Variants in JMJD1C observed in about 807,000 individuals in gnomAD.
JMJD1C encodes the protein jumonji domain-containing protein 1C.
JMJD1C carries 31 observed loss-of-function variants against 245.3 expected under a neutral mutation model. That is an observed-to-expected ratio of 0.13 (90% confidence interval 0.09 to 0.17). The LOEUF (loss-of-function observed/expected upper bound fraction) is 0.17. Among genes scored for constraint, JMJD1C ranks in the 10% least tolerant of loss-of-function variants. The pLI, the probability that JMJD1C is intolerant of heterozygous loss-of-function variation, is 1.00. For synonymous variants in JMJD1C, 1,057 were observed against 1,017.4 expected, an observed-to-expected ratio of 1.04 and a Z score of -0.74; for missense variants, 2,691 against 3,000.2, an observed-to-expected ratio of 0.90 and a Z score of 2.41.
intron 3 of JMJD1C, among the ~76,000 whole-genome samples, chr10:63,259,837 T>C (rs192354769): frequency 1.6e-4 from 25 of 152,338 alleles, no homozygotes; most frequent in Non-Finnish European, 3.4e-4. Flanking sequence ...TCAATGTCCA[T>C]ACTCTACAAT....
chr10:63,438,740 T>C (rs1014391965), intron 1 of JMJD1C, among the ~76,000 whole-genome samples: 2 of 152,170 alleles, frequency 1.3e-5, no homozygotes, highest in Non-Finnish European at 2.9e-5. Context: ...TCCTTAGGCC[T>C]GGTACTTACT....
At chr10:63,193,510 C>A (rs753638068) in intron 14 of JMJD1C, 38 bp from the exon 15 acceptor site, 55 of 1,478,910 alleles carry the variant, frequency 3.7e-5, no homozygotes, top group Non-Finnish European at 4.9e-5. Context: ...AAGATTACCA[C>A]TAGTTGTTAA....
In JMJD1C at chr10:63,479,702, A is replaced by G. The variant is rs541211669; in HGVS notation, n.113+42036T>C. ...TAAAGTGGTAGTAAGATCTAGATCTAGAGACATGATTCAGTTTCAATTTTT... is the reference window on the plus strand; with the variant it reads ...TAAAGTGGTAGTAAGATCTAGATCTGGAGACATGATTCAGTTTCAATTTTT... On this transcript the variant is annotated intron_variant and non_coding_transcript_variant, in intron 1 of 3. Transcript: ENST00000633035. Among the ~76,000 whole-genome samples, 236 of 152,350 alleles carry G rather than the reference A, an allele frequency of 1.5e-3. 1 individual carries two copies. Among genetic ancestry groups the G allele is most frequent in the Non-Finnish European group, 2.4e-3 (162 of 68,028 alleles).
intron 2 of JMJD1C, among the ~76,000 whole-genome samples, chr10:63,301,486 C>A (rs564073049): frequency 6.6e-6 from 1 of 152,338 alleles, no homozygotes; most frequent in East Asian, 1.9e-4. Flanking sequence ...TTCAAGCACA[C>A]ATACATGCAC....
At chr10:63,424,058 T>A (rs1281123952) in intron 1 of JMJD1C, among the ~76,000 whole-genome samples, 1 of 151,832 alleles carries the variant, frequency 6.6e-6, no homozygotes, top group Non-Finnish European at 1.5e-5. Context: ...GACATATGAT[T>A]GTGTGTATTT....
Position 63,197,578 on chromosome 10 carries a change from A to C in JMJD1C, c.5492-15T>G, listed in dbSNP as rs1265932624. On this transcript the variant is annotated splice_polypyrimidine_tract_variant and intron_variant, in intron 12 of 25. Coordinates refer to ENST00000399262, the MANE Select transcript of JMJD1C (RefSeq NM_032776.3). ...GGCAATTTTGGCTGAAATACAGAAA[A>C]AACAAAAATTTTAAAGGCAAACATG... 6.1e-6 allele frequency: 9 copies of C among 1,484,250 alleles called. No homozygotes were observed. Among genetic ancestry groups the C allele is most frequent in the African/African-American group, 1.5e-5 (1 of 68,446 alleles). The allele number at this position is 1,484,250 out of a possible 1,614,324, so 91.9% of individuals were successfully genotyped here. A position where few individuals can be genotyped will look rare whatever the true frequency, so the allele number is the denominator to read the frequency against.
At chr10:63,394,091 G>A (rs1948283883) in intron 1 of JMJD1C, among the ~76,000 whole-genome samples, 1 of 151,102 alleles carries the variant, frequency 6.6e-6, no homozygotes, top group Non-Finnish European at 1.5e-5. Flanking sequence ...GGAGGCTGAT[G>A]AAGGACAATC....
chr10:63,249,058 G>A (rs1156954556), intron 3 of JMJD1C, among the ~76,000 whole-genome samples: 1 of 152,254 alleles, frequency 6.6e-6, no homozygotes, highest in Non-Finnish European at 1.5e-5. Flanking sequence ...GCTCACGCCT[G>A]TAATCCCAGC....
At chr10:63,245,514 C>T (rs937520332) in intron 3 of JMJD1C, among the ~76,000 whole-genome samples, 7 of 105,774 alleles carry the variant, frequency 6.6e-5, no homozygotes, top group Admixed American at 2.9e-4. Flanking sequence ...TGAAGTCTTG[C>T]TCTTGTCCCC....
chr10:63,299,183 A>T (rs1202752467), intron 2 of JMJD1C, among the ~76,000 whole-genome samples: 1 of 151,924 alleles, frequency 6.6e-6, no homozygotes, highest in Admixed American at 6.6e-5. Flanking sequence ...TTATAACTGA[A>T]TTTTTCTTCT....
chr10:63,380,529 G>T (rs756442514), intron 1 of JMJD1C, 47 bp from the exon 2 acceptor site: 38 of 1,481,730 alleles, frequency 2.6e-5, no homozygotes, highest in Middle Eastern at 4.2e-4. Context: ...TAGAAGAGTG[G>T]TATATCTTTT....
At chr10:63,512,143 T>C (rs1339523550) in intron 1 of JMJD1C, among the ~76,000 whole-genome samples, 1 of 152,228 alleles carries the variant, frequency 6.6e-6, no homozygotes, top group African/African-American at 2.4e-5. Context: ...TACACACACA[T>C]ATACAAACCC....
At chr10:63,411,133 T>G (rs528438876) in intron 1 of JMJD1C, among the ~76,000 whole-genome samples, 39 of 152,136 alleles carry the variant, frequency 2.6e-4, no homozygotes, top group Admixed American at 5.9e-4. Context: ...CACTGAATGA[T>G]TCCAGTTATA....
At chr10:63,431,808 T>C (rs566631729) in intron 1 of JMJD1C, among the ~76,000 whole-genome samples, 2 of 152,258 alleles carry the variant, frequency 1.3e-5, no homozygotes, top group East Asian at 3.9e-4. Flanking sequence ...GGTCCAGAGA[T>C]AGAGACCACC....
intron 3 of JMJD1C, among the ~76,000 whole-genome samples, chr10:63,253,801 T>C (rs1454713884): frequency 6.6e-6 from 1 of 152,194 alleles, no homozygotes; most frequent in Non-Finnish European, 1.5e-5. Context: ...AGGGGTCACC[T>C]ACTCTAATTC....
intron 3 of JMJD1C, among the ~76,000 whole-genome samples, chr10:63,250,681 C>T (rs948617598): frequency 2.0e-5 from 3 of 152,194 alleles, no homozygotes; most frequent in Middle Eastern, 3.4e-3. Context: ...TATGGATGTG[C>T]GATGAGAGAA....
rs775201710 is a variant in JMJD1C, at chr10:63,214,834, C to T, written c.1333G>A (p.Glu445Lys). Reference sequence around the variant, plus strand: ...TCAACAGACTTCCGCTTCTCTGCTTCTTCATGTTTTTTATCTTCCTGTATT... The same window carrying T: ...TCAACAGACTTCCGCTTCTCTGCTTTTTCATGTTTTTTATCTTCCTGTATT... ...DQIQEDKKHE[E>K]AEKRKSVDTQ... Residue 445 changes from glutamate to lysine, a missense_variant, in exon 8 of 26, where the codon GAA becomes AAA. Glu to Lys is a moderately conservative substitution (Grantham distance 56). This residue lies in a region of JMJD1C where 1,562 missense variants were observed against 1,490.7 expected (regional missense o/e 1.05). Transcript: ENST00000399262. 51 of 1,613,682 alleles carry T rather than the reference C, an allele frequency of 3.2e-5. No individual in the cohort carries two copies. Among genetic ancestry groups the T allele is most frequent in the Non-Finnish European group, 4.2e-5 (49 of 1,179,974 alleles).
In JMJD1C at chr10:63,322,404, G is replaced by A. The variant is rs186629733; in HGVS notation, c.334-57640C>T. 3.2e-3 allele frequency among the ~76,000 whole-genome samples: 490 copies of A among 152,258 alleles called. 2 individuals are homozygous for A. The highest frequency in any genetic ancestry group is 0.011 in the African/African-American group (475 of 41,548). The stretch of plus-strand genomic sequence containing the variant: ...ATATTATGAGCGCAAGAGATGGAAA[G>A]TGACTTAGGTGGAAGGGACTCAGTA... On this transcript the variant is annotated intron_variant, in intron 2 of 25. Transcript: ENST00000399262.
At chr10:63,475,204 C>A (rs76736859) in intron 1 of JMJD1C, among the ~76,000 whole-genome samples, 1 of 152,026 alleles carries the variant, frequency 6.6e-6, no homozygotes, top group African/African-American at 2.4e-5. Context: ...ATGCTCAGTT[C>A]GATTAGGACT....
Sources: allele counts gnomAD v4.1 joint callset (sites outside exome capture counted in the v4.1 genomes callset), GRCh38; gene constraint gnomAD v4.1.1; regional missense constraint gnomAD v4.1.1; transcripts MANE v1.5; gene names NCBI Gene and HGNC (gene_info 2026-07-23, HGNC 2026-07-21).